LTBP1: variants seen among roughly 807,000 people sequenced by gnomAD.
LTBP1 encodes latent transforming growth factor beta binding protein 1.
A neutral mutation model predicts 207.6 loss-of-function variants in LTBP1; 129 were observed. The observed-to-expected ratio is 0.62, with a 90% confidence interval of 0.54 to 0.72. The LOEUF is 0.72. LTBP1 is among the 30% of genes least tolerant of loss of function. LTBP1 has a pLI of 0.00. For synonymous variants in LTBP1, 963 were observed against 833.7 expected (o/e 1.16, Z -2.67); for missense variants, 2,281 against 2,217.2 (o/e 1.03, Z -0.58).
At chr2:33,393,149 G>T (rs2095329442) in intron 32 of LTBP1, among the ~76,000 whole-genome samples, 1 of 150,046 alleles carries the variant, frequency 6.7e-6, no homozygotes, top group Non-Finnish European at 1.5e-5. Flanking sequence ...CATCACCTAG[G>T]TGTGAAGCCC....
In LTBP1 at chr2:33,252,733, G is replaced by A. The variant is rs189389247; in HGVS notation, c.2056G>A (p.Gly686Arg). ...KGPCYRLVSSGRQCMHPLSVH... is the reference protein window; with the variant it reads ...KGPCYRLVSSRRQCMHPLSVH... ...GCCCTGTTACCGACTTGTCAGTTCTGGAAGACAGTGTATGCACCCTCTGTC... is the reference window on the plus strand; with the variant it reads ...GCCCTGTTACCGACTTGTCAGTTCTAGAAGACAGTGTATGCACCCTCTGTC... The change falls in exon 11 of 34, where the codon GGA (glycine) becomes AGA (arginine). Residue 686 changes from glycine to arginine, a missense_variant. This residue lies in a region of LTBP1 where 1,671 missense variants were observed against 1,634.8 expected (regional missense o/e 1.02). Transcript: ENST00000404816. 4.1e-4 allele frequency: 659 copies of A among 1,613,848 alleles called. 1 individual carries two copies. The highest frequency in any genetic ancestry group is 5.2e-4 in the Non-Finnish European group (610 of 1,179,818).
chr2:33,273,433 G>A lies in LTBP1; in HGVS notation c.2618-223G>A, dbSNP rs549800929. Among the ~76,000 whole-genome samples the A allele has an allele frequency of 3.9e-5, 6 of 152,124 alleles. No individual in the cohort carries two copies. In the South Asian group the frequency reaches 1.2e-3, roughly 32 times the overall value. On this transcript the variant is annotated intron_variant, in intron 15 of 33. Transcript: ENST00000404816. ...CTCACTTCAGTTCATCTTAAAAATGGCTTTACTAGGAACTATTGATGTCCT... is the reference window on the plus strand; with the variant it reads ...CTCACTTCAGTTCATCTTAAAAATGACTTTACTAGGAACTATTGATGTCCT...
intron 6 of LTBP1, 85 bp from the exon 7 acceptor site, chr2:33,188,492 A>G: frequency 9.0e-7 from 1 of 1,114,286 alleles, no homozygotes; most frequent in South Asian, 1.5e-5. Context: ...ATGCATGTTT[A>G]TAAAATTTAC....
chr2:33,220,243 T>C (rs1472154236), intron 8 of LTBP1, among the ~76,000 whole-genome samples: 1 of 152,224 alleles, frequency 6.6e-6, no homozygotes, highest in Non-Finnish European at 1.5e-5. Flanking sequence ...AGTTTTCCTT[T>C]CCTTGGTTGG....
chr2:33,100,536 T>G (rs909205244), intron 3 of LTBP1, among the ~76,000 whole-genome samples: 2 of 152,150 alleles, frequency 1.3e-5, no homozygotes, highest in Non-Finnish European at 2.9e-5. Context: ...TTAAAAAATT[T>G]TTGTAAAGTA....
chr2:33,092,323 C>G (rs1330024469), intron 3 of LTBP1, among the ~76,000 whole-genome samples: 1 of 152,212 alleles, frequency 6.6e-6, no homozygotes, highest in Non-Finnish European at 1.5e-5. Flanking sequence ...TTCTGTCTGT[C>G]TTTGACAGTC....
rs61754245 is a variant in LTBP1 at position 33,259,599 on chromosome 2, C to T, written c.2407C>T (p.Pro803Ser). The change falls in exon 13 of 34, where the codon CCC becomes TCC. Residue 803 changes from proline to serine, a missense_variant. Pro to Ser is a moderately conservative substitution (Grantham distance 74). Coordinates refer to ENST00000404816, the MANE Select transcript of LTBP1 (RefSeq NM_206943.4). ...GVAEPEVATA[P>S]PEKEIPSLDQ... ...TTTTCTGGTTTTAGTGGCAACTGCA[C>T]CCCCTGAAAAGGTAATTTATTCATT... The T allele has an allele frequency of 1.9e-6, 3 of 1,602,394 alleles. No individual in the cohort carries two copies. The highest frequency in any genetic ancestry group is 2.6e-6 in the Non-Finnish European group (3 of 1,174,746).
chr2:32,987,870 T>G (rs1223947737), intron 2 of LTBP1, among the ~76,000 whole-genome samples: 3 of 152,216 alleles, frequency 2.0e-5, no homozygotes, highest in African/African-American at 7.2e-5. Flanking sequence ...GAATGATACC[T>G]TATGGCACAA....
intron 2 of LTBP1, among the ~76,000 whole-genome samples, chr2:33,005,594 C>CTTTT (rs57363701): frequency 9.0e-5 from 12 of 132,940 alleles, no homozygotes; most frequent in African/African-American, 3.1e-4. Context: ...TAAGCTCTAC[C>CTTTT]TTTTTTTTTT....
Position 32,947,742 on chromosome 2 carries a change from C to T in LTBP1, c.418C>T (p.Arg140Cys). The T allele has an allele frequency of 2.0e-6, 3 of 1,536,922 alleles. No homozygotes were observed. Among genetic ancestry groups the T allele is most frequent in the South Asian group, 1.2e-5 (1 of 82,312 alleles). Residue 140 changes from arginine to cysteine, a missense_variant, in exon 1 of 34, where the codon CGC becomes TGC. Around this residue, in one of 3 missense-constraint regions of LTBP1, gnomAD observed 555 missense variants for 491.0 expected, o/e 1.13. Transcript: ENST00000404816. ...CACCAAACAAGGCAGGCAAGTTGTG[C>T]GCTCCAAGGTGCCGCAGGAGACCCA... ...PFTKQGRQVVRSKVPQETQSG... is the reference protein window; with the variant it reads ...PFTKQGRQVVCSKVPQETQSG...
At chr2:33,303,548 C>T (rs549560662) in intron 22 of LTBP1, among the ~76,000 whole-genome samples, 1 of 152,104 alleles carries the variant, frequency 6.6e-6, no homozygotes, top group African/African-American at 2.4e-5. Context: ...GACGGGTTTT[C>T]ACCGTGTTAA....
At chr2:33,340,909 T>C (rs1425788615) in intron 24 of LTBP1, among the ~76,000 whole-genome samples, 2 of 152,186 alleles carry the variant, frequency 1.3e-5, no homozygotes, top group Non-Finnish European at 2.9e-5. Context: ...GTATAGACAA[T>C]CCTTTGTGAC....
chr2:33,216,387 G>A (rs1315840469), intron 7 of LTBP1, among the ~76,000 whole-genome samples: 3 of 152,148 alleles, frequency 2.0e-5, no homozygotes, highest in Non-Finnish European at 4.4e-5. Context: ...GGAAGGACGT[G>A]ATTTGTTCAG....
At chr2:33,202,446 A>G (rs1208340379) in intron 7 of LTBP1, among the ~76,000 whole-genome samples, 1 of 152,236 alleles carries the variant, frequency 6.6e-6, no homozygotes, top group Admixed American at 6.5e-5. Context: ...AGTTCTGCTC[A>G]GAAACCTGCT....
intron 3 of LTBP1, among the ~76,000 whole-genome samples, chr2:33,039,714 G>A (rs1012438771): frequency 3.9e-5 from 6 of 152,130 alleles, no homozygotes; most frequent in African/African-American, 1.2e-4. Context: ...TTAAATTGAG[G>A]GAGTGAATGG....
At chr2:33,328,017 C>T (rs1036347263) in intron 24 of LTBP1, among the ~76,000 whole-genome samples, 1 of 151,864 alleles carries the variant, frequency 6.6e-6, no homozygotes, top group Non-Finnish European at 1.5e-5. Flanking sequence ...CGCCTGTAAT[C>T]TCAGCTACTT....
At chr2:33,083,318 A>G (rs984211401) in intron 3 of LTBP1, among the ~76,000 whole-genome samples, 19 of 152,030 alleles carry the variant, frequency 1.2e-4, no homozygotes, top group African/African-American at 4.6e-4. Flanking sequence ...AAGAAGGGGA[A>G]TGTACCAGAA....
chr2:33,213,977 A>G (rs1226302158), intron 7 of LTBP1, among the ~76,000 whole-genome samples: 1 of 152,214 alleles, frequency 6.6e-6, no homozygotes, highest in Non-Finnish European at 1.5e-5. Flanking sequence ...AGAAAAAATG[A>G]TTTATTTTTG....
At chr2:33,195,789 A>G (rs949297390) in intron 7 of LTBP1, among the ~76,000 whole-genome samples, 2 of 152,202 alleles carry the variant, frequency 1.3e-5, no homozygotes, top group African/African-American at 4.8e-5. Flanking sequence ...ATCACTTACT[A>G]CAGAGAAATA....
Sources: gnomAD v4.1 joint callset for allele counts (sites outside exome capture counted in the v4.1 genomes callset) on GRCh38, gnomAD v4.1.1 for gene constraint, gnomAD v4.1.1 regional missense constraint, MANE v1.5 for transcripts, NCBI Gene and HGNC (gene_info 2026-07-23, HGNC 2026-07-21) for gene names.